The following TENM1 variants were observed in gnomAD, a reference collection of about 807,000 sequenced individuals.
The protein encoded by TENM1 is teneurin-1.
Under a neutral mutation model 174.8 loss-of-function variants are expected in TENM1, and 35 were observed. That is an observed-to-expected ratio of 0.20 (90% confidence interval 0.15 to 0.27). The LOEUF (loss-of-function observed/expected upper bound fraction) is 0.27. TENM1 is among the 10% of genes least tolerant of loss of function. The probability of loss-of-function intolerance (pLI) is 1.00; values close to 1 mark genes in which losing one functional copy is unlikely to be tolerated. For synonymous variants in TENM1, 781 were observed against 798.7 expected (o/e 0.98, Z 0.37); for missense variants, 1,633 against 2,130.1 (o/e 0.77, Z 4.59).
chrX:124,939,442 C>T (rs2058294035), intron 1 of TENM1, among the ~76,000 whole-genome samples: 1 of 111,318 alleles, frequency 9.0e-6, no homozygotes, highest in Non-Finnish European at 1.9e-5. Flanking sequence ...GAAGTTTTAC[C>T]TTGGTTTCCA....
chrX:125,088,023 A>G, the TENM1 span, among the ~76,000 whole-genome samples: 5 of 111,121 alleles, frequency 4.5e-5, no homozygotes, highest in East Asian at 1.1e-3. Context: ...GAGTAACTTT[A>G]CAATGGAGAA....
At chrX:125,178,656 G>A in the TENM1 span, among the ~76,000 whole-genome samples, 5 of 111,808 alleles carry the variant, frequency 4.5e-5, no homozygotes, top group Non-Finnish European at 9.4e-5. Context: ...TGGTAAGGAA[G>A]TAACGTAGAG....
chrX:124,541,588 C>A (rs2048321660), intron 15 of TENM1, among the ~76,000 whole-genome samples: 1 of 112,023 alleles, frequency 8.9e-6, no homozygotes, highest in South Asian at 3.7e-4. Context: ...AATTAAACCT[C>A]TTTTCTTTAT....
intron 3 of TENM1, among the ~76,000 whole-genome samples, chrX:124,857,816 C>T (rs2147424434): frequency 9.1e-6 from 1 of 110,051 alleles, no homozygotes; most frequent in East Asian, 2.9e-4. Flanking sequence ...TTCCTAGTCA[C>T]TCACAAATGA....
chrX:124,927,581 G>A (rs746042430), intron 1 of TENM1, among the ~76,000 whole-genome samples: 15 of 111,876 alleles, frequency 1.3e-4, no homozygotes, highest in Non-Finnish European at 2.4e-4. Flanking sequence ...GGGACTATAT[G>A]AGGGGGGAAG....
At chrX:125,042,602 C>T in the TENM1 span, among the ~76,000 whole-genome samples, 1 of 111,405 alleles carries the variant, frequency 9.0e-6, no homozygotes, top group Admixed American at 9.6e-5. Context: ...GCATGGACCT[C>T]TTTGAACAAA....
intron 6 of TENM1, among the ~76,000 whole-genome samples, chrX:124,664,700 G>A (rs913631750): frequency 5.9e-4 from 63 of 106,374 alleles, no homozygotes; most frequent in Non-Finnish European, 1.1e-3. Flanking sequence ...GTGTGTGTGT[G>A]TGTGTGTGTG....
intron 22 of TENM1, among the ~76,000 whole-genome samples, chrX:124,456,502 A>G (rs111787081): frequency 1.5e-3 from 166 of 112,085 alleles, no homozygotes; most frequent in Non-Finnish European, 2.1e-3. Flanking sequence ...CTTAAGGGGT[A>G]TTTAATTTTC....
At chrX:124,547,165 G>T (rs1209777934) in intron 14 of TENM1, 75 bp from the exon 18 acceptor site, 1 of 817,662 alleles carries the variant, frequency 1.2e-6, no homozygotes, top group African/African-American at 2.1e-5. Flanking sequence ...ATACATAAAT[G>T]GAGAAAATTC....
the TENM1 span, among the ~76,000 whole-genome samples, chrX:125,014,360 T>C: frequency 8.9e-6 from 1 of 112,699 alleles, no homozygotes; most frequent in Non-Finnish European, 1.9e-5. Flanking sequence ...AATGCAGTAG[T>C]CTTCTGCTTA....
chrX:124,584,834 G>A (rs932591585), intron 11 of TENM1, among the ~76,000 whole-genome samples: 2 of 110,852 alleles, frequency 1.8e-5, no homozygotes, highest in Non-Finnish European at 3.8e-5. Flanking sequence ...TAAAAGGATG[G>A]AAGAAGATCT....
At chrX:124,709,208 G>T in intron 4 of TENM1, among the ~76,000 whole-genome samples, 1 of 111,561 alleles carries the variant, frequency 9.0e-6, no homozygotes, top group Non-Finnish European at 1.9e-5. Flanking sequence ...TATTACAGTC[G>T]ATATCTCTAT....
the TENM1 span, among the ~76,000 whole-genome samples, chrX:125,021,435 G>A: frequency 9.0e-6 from 1 of 111,060 alleles, no homozygotes; most frequent in African/African-American, 3.3e-5. Context: ...ACCATTATAA[G>A]GCCCACAAGC....
chrX:125,191,261 C>T, the TENM1 span, among the ~76,000 whole-genome samples: 4 of 111,931 alleles, frequency 3.6e-5, no homozygotes, highest in African/African-American at 1.3e-4. Flanking sequence ...TTCATCATGT[C>T]CTTATTAGTC....
intron 3 of TENM1, among the ~76,000 whole-genome samples, chrX:124,827,214 C>A (rs930392708): frequency 1.8e-5 from 2 of 111,155 alleles, no homozygotes; most frequent in Admixed American, 9.6e-5. Flanking sequence ...CTACACCTGG[C>A]TAATTTTTGT....
intron 3 of TENM1, among the ~76,000 whole-genome samples, chrX:124,874,685 TTTGGG>T (rs2057168081): frequency 1.8e-5 from 2 of 110,989 alleles, no homozygotes; most frequent in African/African-American, 6.5e-5. Context: ...CACATTTAAT[TTTGGG>T]TCACCTAGAA....
At chrX:124,618,387 C>T (rs1339057862) in intron 11 of TENM1, among the ~76,000 whole-genome samples, 1 of 111,795 alleles carries the variant, frequency 8.9e-6, no homozygotes, top group Non-Finnish European at 1.9e-5. Flanking sequence ...AGTCCTCATT[C>T]ATTAGTCAGT....
chrX:124,632,695 A>T (rs185449724), intron 11 of TENM1, among the ~76,000 whole-genome samples: 1 of 111,348 alleles, frequency 9.0e-6, no homozygotes, highest in Non-Finnish European at 1.9e-5. Context: ...GATCATGGCC[A>T]TAATGATGAA....
intron 3 of TENM1, among the ~76,000 whole-genome samples, chrX:124,823,096 T>G (rs762370926): frequency 2.0e-4 from 22 of 112,178 alleles, no homozygotes; most frequent in Admixed American, 1.8e-3. Flanking sequence ...ATAGGCTAAG[T>G]ACTATTTTGA....
Sources: allele counts gnomAD v4.1 joint callset (sites outside exome capture counted in the v4.1 genomes callset), GRCh38; gene constraint gnomAD v4.1.1; transcripts MANE v1.5; gene names NCBI Gene and HGNC (gene_info 2026-07-23, HGNC 2026-07-21).